The following EPHB2 variants were observed in gnomAD, a reference collection of about 807,000 sequenced individuals.
EPHB2 encodes ephrin type-B receptor 2.
EPHB2 carries 18 observed loss-of-function variants against 96.4 expected under a neutral mutation model. The ratio of observed to expected loss-of-function variants is 0.19; its 90% CI spans 0.13 to 0.28. The LOEUF (loss-of-function observed/expected upper bound fraction) is 0.28. EPHB2 is among the 10% of genes least tolerant of loss of function. EPHB2 has a pLI of 1.00. For missense variants in EPHB2, 989 were observed against 1,355.4 expected, an observed-to-expected ratio of 0.73 and a Z score of 4.25; for synonymous variants, 506 against 534.1, an observed-to-expected ratio of 0.95 and a Z score of 0.72.
At chr1:22,837,585 T>C (rs752489575) in intron 3 of EPHB2, among the ~76,000 whole-genome samples, 3 of 152,198 alleles carry the variant, frequency 2.0e-5, no homozygotes, top group Non-Finnish European at 4.4e-5. Flanking sequence ...ACTAGGCGTG[T>C]ATGAAGCAAG....
At chr1:22,777,754 C>A in intron 1 of EPHB2, among the ~76,000 whole-genome samples, 1 of 152,158 alleles carries the variant, frequency 6.6e-6, no homozygotes, top group East Asian at 1.9e-4. Context: ...GCCAGGCAGA[C>A]TAAGTTGGAG....
intron 3 of EPHB2, among the ~76,000 whole-genome samples, chr1:22,843,340 T>C (rs539484431): frequency 1.4e-3 from 217 of 152,216 alleles, no homozygotes; most frequent in South Asian, 7.9e-3. Context: ...CTTGCCACTG[T>C]GTTTTTTTTC....
chr1:22,887,964 C>T (rs1353709191), intron 6 of EPHB2, among the ~76,000 whole-genome samples: 1 of 152,180 alleles, frequency 6.6e-6, no homozygotes, highest in East Asian at 1.9e-4. Context: ...CATTCATTCA[C>T]TTTTGCATTC....
intron 3 of EPHB2, among the ~76,000 whole-genome samples, chr1:22,852,844 A>G (rs1243957156): frequency 6.6e-6 from 1 of 152,234 alleles, no homozygotes; most frequent in Non-Finnish European, 1.5e-5. Flanking sequence ...GGCAGTCAGC[A>G]GGGCAGGTGC....
intron 3 of EPHB2, among the ~76,000 whole-genome samples, chr1:22,843,180 A>G (rs1203574625): frequency 6.6e-6 from 1 of 152,134 alleles, no homozygotes; most frequent in Non-Finnish European, 1.5e-5. Flanking sequence ...CTGTAACCTC[A>G]TTTTGTCCTC....
At chr1:22,902,826 T>C (rs1639792634) in intron 9 of EPHB2, among the ~76,000 whole-genome samples, 1 of 151,316 alleles carries the variant, frequency 6.6e-6, no homozygotes, top group African/African-American at 2.4e-5. Context: ...ATCATAAGAG[T>C]GGGTGTGGAC....
rs150929388 is a variant in EPHB2, at chr1:22,752,575, C to T, written c.62-28846C>T. Among the ~76,000 whole-genome samples, 668 of 150,674 alleles carry T rather than the reference C, an allele frequency of 4.4e-3. 5 individuals carry two copies. Among genetic ancestry groups the T allele is most frequent in the African/African-American group, 0.015 (637 of 41,302 alleles). Reference sequence around the variant, plus strand: ...AATAAAATAAAATATAAAATTACCACGTAGTCAGGACATACAAGGGAATTA... The same window carrying T: ...AATAAAATAAAATATAAAATTACCATGTAGTCAGGACATACAAGGGAATTA... On this transcript the variant is annotated intron_variant, in intron 1 of 15. Transcript: ENST00000374630.
chr1:22,900,303 G>A (rs1457551546), intron 9 of EPHB2, among the ~76,000 whole-genome samples: 1 of 152,080 alleles, frequency 6.6e-6, no homozygotes. Context: ...ACAAAAAAAA[G>A]AAAAAGAAAG....
Position 22,895,593 on chromosome 1 carries a change from T to TCCAGGCTTGG in EPHB2, c.1700+20_1700+29dup. The TCCAGGCTTGG allele has an allele frequency of 6.2e-7, 1 of 1,613,588 alleles. No homozygotes were observed. The highest frequency in any genetic ancestry group is 1.1e-5 in the South Asian group (1 of 91,076). On this transcript the variant is annotated intron_variant, in intron 8 of 15. Coordinates refer to ENST00000374630, the MANE Select transcript of EPHB2 (RefSeq NM_017449.5). The stretch of plus-strand genomic sequence containing the variant: ...TCGTGTGTAACAGGTGGGTGGGGTC[T>TCCAGGCTTGG]CCAGGCTTGGCCAGGCCTGGCTGTC...
chr1:22,775,265 TCA>T (rs771663042), intron 1 of EPHB2: 8 of 779,814 alleles, frequency 1.0e-5, no homozygotes, highest in African/African-American at 8.4e-5. Flanking sequence ...CTGTCTGGCC[TCA>T]GTTTCCTCGT....
At chr1:22,836,630 T>A (rs539811560) in intron 3 of EPHB2, 1 of 152,496 alleles carries the variant, frequency 6.6e-6, no homozygotes, top group East Asian at 1.9e-4. Context: ...TCCCGCCAGA[T>A]GGCTGAAATC....
chr1:22,715,947 C>T (rs1030778965), intron 1 of EPHB2, among the ~76,000 whole-genome samples: 2 of 152,248 alleles, frequency 1.3e-5, no homozygotes, highest in Non-Finnish European at 2.9e-5. Context: ...ATGCTGGTCT[C>T]AACCCCTCTA....
chr1:22,759,240 C>G (rs1411566449), intron 1 of EPHB2, among the ~76,000 whole-genome samples: 1 of 152,108 alleles, frequency 6.6e-6, no homozygotes, highest in Non-Finnish European at 1.5e-5. Context: ...TTGAGCAAAA[C>G]CCTTGGCCTC....
intron 1 of EPHB2, among the ~76,000 whole-genome samples, chr1:22,772,237 C>A (rs1045838983): frequency 6.6e-6 from 1 of 152,156 alleles, no homozygotes; most frequent in East Asian, 1.9e-4. Flanking sequence ...TCAGCCGGGG[C>A]GGCCAGTGCT....
chr1:22,773,053 G>A (rs1381249238), intron 1 of EPHB2, among the ~76,000 whole-genome samples: 3 of 152,148 alleles, frequency 2.0e-5, no homozygotes, highest in Admixed American at 6.5e-5. Context: ...CCTGCCCCTA[G>A]GTGGCCTCCA....
At chr1:22,815,665 T>C (rs758121428) in intron 3 of EPHB2, among the ~76,000 whole-genome samples, 1 of 152,246 alleles carries the variant, frequency 6.6e-6, no homozygotes, top group Non-Finnish European at 1.5e-5. Context: ...TGGAAGCAAT[T>C]TGTCAGTCCT....
rs952566492 is a variant in EPHB2 at position 22,865,232 on chromosome 1, GC to G, written c.1303+22del. The G allele has an allele frequency of 6.2e-6, 10 of 1,613,986 alleles. No homozygotes were observed. Among genetic ancestry groups the G allele is most frequent in the Admixed American group, 1.7e-5 (1 of 60,006 alleles). On this transcript the variant is annotated intron_variant, in intron 5 of 15. Coordinates refer to ENST00000374630, the MANE Select transcript of EPHB2 (RefSeq NM_017449.5). Reference sequence around the variant, plus strand: ...AGGCAGGTAAGTGCTTCCGACGTGGGCCAGGGGAGTGCCCCATCGCGCTGTG... The same window carrying G: ...AGGCAGGTAAGTGCTTCCGACGTGGGCAGGGGAGTGCCCCATCGCGCTGTG...
At chr1:22,911,738 GCCAAGTCCTTAGGAAGGACTTGGGC>G (rs1159658347) in intron 14 of EPHB2, among the ~76,000 whole-genome samples, 1 of 152,126 alleles carries the variant, frequency 6.6e-6, no homozygotes, top group Non-Finnish European at 1.5e-5. Context: ...GCTGGCTGTA[GCCAAGTCCTTAGGAAGGACTTGGGC>G]CAAAGTCCTT....
At chr1:22,730,760 A>C (rs1343074978) in intron 1 of EPHB2, among the ~76,000 whole-genome samples, 1 of 152,144 alleles carries the variant, frequency 6.6e-6, no homozygotes, top group Non-Finnish European at 1.5e-5. Context: ...CAGGTGACAC[A>C]GAGGGACCAG....
Sources: allele counts gnomAD v4.1 joint callset (sites outside exome capture counted in the v4.1 genomes callset), GRCh38; gene constraint gnomAD v4.1.1; transcripts MANE v1.5; gene names NCBI Gene and HGNC (gene_info 2026-07-23, HGNC 2026-07-21).